Variants in GATC observed in about 807,000 individuals in gnomAD.
The protein encoded by GATC is glutamyl-tRNA amidotransferase subunit C, also known as glutamyl-tRNA(Gln) amidotransferase subunit C, mitochondrial.
Under a neutral mutation model 14.4 loss-of-function variants are expected in GATC, and 11 were observed. That is an observed-to-expected ratio of 0.77 (90% CI 0.48 to 1.27). GATC has a LOEUF of 1.27. GATC is among the 50% of genes most tolerant of loss of function. The pLI, the probability that GATC is intolerant of heterozygous loss-of-function variation, is 0.00. For synonymous variants in GATC, 76 were observed against 79.3 expected (o/e 0.96, Z 0.22); for missense variants, 204 against 183.0 (o/e 1.11, Z -0.66).
intron 3 of GATC, among the ~76,000 whole-genome samples, chr12:120,458,548 T>A (rs1878245249): frequency 6.6e-6 from 1 of 152,204 alleles, no homozygotes; most frequent in African/African-American, 2.4e-5. Flanking sequence ...ATATTTTAAA[T>A]AGAAGCTTTA....
At chr12:120,447,169 C>G (rs1177601242) in intron 2 of GATC, among the ~76,000 whole-genome samples, 5 of 151,774 alleles carry the variant, frequency 3.3e-5, no homozygotes, top group African/African-American at 9.7e-5. Flanking sequence ...CTCCGCCTCC[C>G]GTGTTCAAGC....
chr12:120,459,801 G>C, intron 3 of GATC, 106 bp from the exon 4 acceptor site: 4 of 729,080 alleles, frequency 5.5e-6, no homozygotes. Context: ...AGCCTGCAGT[G>C]AGCTGAGATT....
At chr12:120,447,067 TG>T (rs1405512746) in intron 2 of GATC, among the ~76,000 whole-genome samples, 13 of 119,982 alleles carry the variant, frequency 1.1e-4, no homozygotes, top group Middle Eastern at 4.0e-3. Context: ...TTTTTTTTTT[TG>T]TTTGTTTGTT....
intron 2 of GATC, among the ~76,000 whole-genome samples, chr12:120,455,657 C>A (rs1431100944): frequency 6.6e-6 from 1 of 152,034 alleles, no homozygotes. Context: ...AGAACTAGTC[C>A]TTTCCTAAAA....
chr12:120,453,508 C>A (rs754432605), intron 2 of GATC, among the ~76,000 whole-genome samples: 2 of 152,102 alleles, frequency 1.3e-5, no homozygotes, highest in Non-Finnish European at 2.9e-5. Flanking sequence ...CTTACAGAAC[C>A]CTGATTGGGA....
chr12:120,462,541 TGCATCTTTGGATGG>T lies in GATC; in HGVS notation c.*2589_*2602del, dbSNP rs527648213. ...GTTTAATCCCCTGCCACCTCATGTA[TGCATCTTTGGATGG>T]GCATCTATGGAAGGAGCTAGCCTGT... is the stretch of plus-strand genomic sequence containing the variant. On this transcript the variant is annotated 3_prime_UTR_variant, in exon 4 of 4. Transcript: ENST00000551765. 11 of 167,218 alleles carry T rather than the reference TGCATCTTTGGATGG, an allele frequency of 6.6e-5. No individual in the cohort carries two copies. The South Asian group carries it at 1.3e-3, about 19-fold the overall frequency. The allele number at this position is 167,218 out of a possible 1,614,324, so 10.4% of individuals were successfully genotyped here. A position where few individuals can be genotyped will look rare whatever the true frequency, so the allele number is the denominator to read the frequency against.
chr12:120,460,036 A>C lies in GATC; in HGVS notation c.*77A>C. The stretch of plus-strand genomic sequence containing the variant: ...CAGTATTTTTTTACTGTGAATACTA[A>C]TGTTCCTGCTTTTTTCAGTCCCCTG... On this transcript the variant is annotated 3_prime_UTR_variant, in exon 4 of 4. Transcript: ENST00000551765. 1.8e-6 allele frequency: 2 copies of C among 1,086,606 alleles called. No homozygotes were observed. The highest frequency in any genetic ancestry group is 2.8e-6 in the Non-Finnish European group (2 of 721,032). The allele number at this position is 1,086,606 out of a possible 1,614,324, so 67.3% of individuals were successfully genotyped here.
At chr12:120,456,000 T>C (rs1474662710) in intron 2 of GATC, among the ~76,000 whole-genome samples, 2 of 152,196 alleles carry the variant, frequency 1.3e-5, no homozygotes, top group African/African-American at 4.8e-5. Context: ...ACTTAGTTCT[T>C]ATGTGCAGCC....
chr12:120,454,132 T>TA (rs1420037910), intron 2 of GATC, among the ~76,000 whole-genome samples: 1 of 152,130 alleles, frequency 6.6e-6, no homozygotes, highest in Non-Finnish European at 1.5e-5. Flanking sequence ...TCCCAAACCT[T>TA]CAGATGCTAG....
chr12:120,448,236 T>C (rs1320669059), intron 2 of GATC, among the ~76,000 whole-genome samples: 1 of 151,856 alleles, frequency 6.6e-6, no homozygotes, highest in African/African-American at 2.4e-5. Flanking sequence ...CTTAAAATTT[T>C]TGTAGAAACG....
At chr12:120,458,183 G>A (rs867226782) in intron 3 of GATC, among the ~76,000 whole-genome samples, 5 of 149,782 alleles carry the variant, frequency 3.3e-5, no homozygotes, top group African/African-American at 7.4e-5. Context: ...TCTGCCTCCC[G>A]GGTTCAAGCA....
In GATC at chr12:120,461,913, TA is replaced by T. The variant is rs1202695538; in HGVS notation, c.*1961del. 60 of 1,209,190 alleles carry T rather than the reference TA, an allele frequency of 5.0e-5. No individual in the cohort carries two copies. The East Asian group carries it at 1.7e-3, about 35-fold the overall frequency. 74.9% of individuals were successfully genotyped at this position (1,209,190 alleles called of 1,614,324 possible). A position where few individuals can be genotyped will look rare whatever the true frequency, so the allele number is the denominator to read the frequency against. ...TTTTTCTTCTTTAAAAAAAAAAAAT[TA>T]AAAAAATTTCCTAAGACACTAAATC... On this transcript the variant is annotated 3_prime_UTR_variant, in exon 4 of 4. Transcript: ENST00000551765.
Position 120,446,750 on chromosome 12 carries a change from A to G in GATC, c.175A>G (p.Lys59Glu). The change falls in exon 2 of 4, where the codon AAA becomes GAA. Residue 59 changes from lysine (K) to glutamate (E), a missense_variant. By Grantham distance (56) the Lys-to-Glu change is moderately conservative. Transcript: ENST00000551765. Reference protein sequence around the residue: ...GSREAVARLEKAIAFADRLRA... With the variant: ...GSREAVARLEEAIAFADRLRA... ...CCGCGAGGCAGTGGCGCGACTGGAG[A>G]AAGCTATCGCCTTCGCCGACCGGCT... 6.2e-7 allele frequency: 1 copy of G among 1,614,028 alleles called. No individual in the cohort carries two copies. Among genetic ancestry groups the G allele is most frequent in the Non-Finnish European group, 8.5e-7 (1 of 1,180,004 alleles).
intron 2 of GATC, chr12:120,450,348 A>C (rs1878004943): frequency 6.6e-6 from 1 of 152,194 alleles, no homozygotes; most frequent in African/African-American, 2.4e-5. Context: ...GAACACACAG[A>C]ATGTAAAGTG....
chr12:120,457,459 G>T (rs551378754), intron 3 of GATC, among the ~76,000 whole-genome samples: 41 of 152,094 alleles, frequency 2.7e-4, no homozygotes, highest in African/African-American at 8.9e-4. Context: ...CTGGCATTCA[G>T]TGTTTCTCAA....
In GATC at chr12:120,460,459, A is replaced by G. The variant is rs1447956478; in HGVS notation, c.*500A>G. Reference sequence around the variant, plus strand: ...CCCAGAAGAGGGCTAACTTCCTACTAAGGTCTGAAGAGTGTTGAAAGTAGA... The same window carrying G: ...CCCAGAAGAGGGCTAACTTCCTACTGAGGTCTGAAGAGTGTTGAAAGTAGA... On this transcript the variant is annotated 3_prime_UTR_variant, in exon 4 of 4. Transcript: ENST00000551765. The G allele has an allele frequency of 1.3e-5, 2 of 152,740 alleles. No homozygotes were observed. Among genetic ancestry groups the G allele is most frequent in the East Asian group, 1.9e-4 (1 of 5,198 alleles). The allele number at this position is 152,740 out of a possible 1,614,324, so 9.5% of individuals were successfully genotyped here.
intron 3 of GATC, among the ~76,000 whole-genome samples, chr12:120,459,564 TTC>T (rs1878272637): frequency 6.6e-6 from 1 of 152,056 alleles, no homozygotes. Flanking sequence ...AGCTATAACA[TTC>T]TCTGTTGTGG....
Position 120,450,336 on chromosome 12 carries a change from T to C in GATC, c.254+3507T>C. On this transcript the variant is annotated intron_variant, in intron 2 of 3. Coordinates refer to ENST00000551765, the MANE Select transcript of GATC (RefSeq NM_176818.3). ...GTGACATCTGTAGGACTTTAATGCT[T>C]TGAACACACAGAATGTAAAGTGAAG... 1.3e-5 allele frequency: 2 copies of C among 152,212 alleles called. 1 individual carries two copies. The allele number at this position is 152,212 out of a possible 1,614,324, so 9.4% of individuals were successfully genotyped here. A position where few individuals can be genotyped will look rare whatever the true frequency, so the allele number is the denominator to read the frequency against.
Position 120,462,246 on chromosome 12 carries a change from A to ATATATCT in GATC, c.*2287_*2288insTATATCT. On this transcript the variant is annotated 3_prime_UTR_variant, in exon 4 of 4. Transcript: ENST00000551765. ...AAGCAAACCAACATCTAACAATAAT[A>ATATATCT]GTTAAGTATTGAGCACTTACTGTGT... 6.9e-7 allele frequency: 1 copy of ATATATCT among 1,442,576 alleles called. No homozygotes were observed. Among genetic ancestry groups the ATATATCT allele is most frequent in the Non-Finnish European group, 9.4e-7 (1 of 1,062,800 alleles). 89.4% of individuals were successfully genotyped at this position (1,442,576 alleles called of 1,614,324 possible).
Sources: allele counts gnomAD v4.1 joint callset (sites outside exome capture counted in the v4.1 genomes callset), GRCh38; gene constraint gnomAD v4.1.1; transcripts MANE v1.5; gene names NCBI Gene and HGNC (gene_info 2026-07-23, HGNC 2026-07-21).